Variants in DYNC2H1 observed in about 807,000 individuals in gnomAD.
DYNC2H1 encodes dynein cytoplasmic 2 heavy chain 1, also known as cytoplasmic dynein 2 heavy chain 1.
Under a neutral mutation model 570.0 loss-of-function variants are expected in DYNC2H1, and 410 were observed. That is an observed-to-expected ratio of 0.72 (90% CI 0.66 to 0.78). DYNC2H1 has a LOEUF of 0.78. DYNC2H1 is among the 30% of genes least tolerant of loss of function. The pLI is 0.00. For synonymous variants in DYNC2H1, 1,688 were observed against 1,677.6 expected, an observed-to-expected ratio of 1.01 and a Z score of -0.15; for missense variants, 4,865 against 5,046.4, an observed-to-expected ratio of 0.96 and a Z score of 1.09.
Position 103,436,002 on chromosome 11 carries a change from A to G in DYNC2H1, c.12426A>G (p.Arg4142=), listed in dbSNP as rs1474413723. ...EGPEDPLQYL[R]GLVARALAIQ... Reference sequence around the variant, plus strand: ...CAGAAGATCCCTTACAATACCTGAGAGGTCTTGTTGCCCGTGCCCTTGCAA... The same window carrying G: ...CAGAAGATCCCTTACAATACCTGAGGGGTCTTGTTGCCCGTGCCCTTGCAA... The change falls in exon 85 of 89, where the codon AGA becomes AGG. Residue 4142 remains arginine (R), a synonymous_variant. Transcript: ENST00000375735. 2 of 1,612,616 alleles carry G rather than the reference A, an allele frequency of 1.2e-6. No homozygotes were observed. The highest frequency in any genetic ancestry group is 2.2e-5 in the East Asian group (1 of 44,856).
intron 26 of DYNC2H1, among the ~76,000 whole-genome samples, chr11:103,158,274 C>T (rs1207196581): frequency 1.3e-5 from 2 of 152,052 alleles, no homozygotes; most frequent in African/African-American, 2.4e-5. Flanking sequence ...GGTGAAACCC[C>T]GTCTCTACTA....
intron 78 of DYNC2H1, among the ~76,000 whole-genome samples, chr11:103,308,165 CCATT>C (rs1867390909): frequency 6.6e-6 from 1 of 152,090 alleles, no homozygotes; most frequent in African/African-American, 2.4e-5. Flanking sequence ...AACTCTATGA[CCATT>C]GAAGAGCAAC....
chr11:103,466,403 AG>A (rs1311197791), intron 87 of DYNC2H1, among the ~76,000 whole-genome samples: 1 of 152,204 alleles, frequency 6.6e-6, no homozygotes. Flanking sequence ...AAAGTCTTAA[AG>A]GAAAAAGCTG....
rs1860666859 is a variant in DYNC2H1 at position 103,153,468 on chromosome 11, A to C, written c.3262A>C (p.Ile1088Leu). 6.4e-7 allele frequency: 1 copy of C among 1,568,496 alleles called. No homozygotes were observed. Among genetic ancestry groups the C allele is most frequent in the Non-Finnish European group, 8.6e-7 (1 of 1,158,534 alleles). ...KSAKLIKEKK[I>L]EFDDLEVTRK... ...TGCAAAGTTAATAAAAGAGAAAAAA[A>C]TTGAGTTTGATGATCTTGAAGTCAC... Residue 1088 changes from isoleucine (I) to leucine (L), a missense_variant, in exon 22 of 89, where the codon ATT (isoleucine) becomes CTT (leucine). By Grantham distance (5) the Ile-to-Leu change is conservative. Transcript: ENST00000375735.
intron 75 of DYNC2H1, among the ~76,000 whole-genome samples, chr11:103,288,684 T>TTAAAAAAAA (rs1401919829): frequency 3.6e-5 from 1 of 27,904 alleles, no homozygotes; most frequent in Non-Finnish European, 6.0e-5. Flanking sequence ...CCGTCTCTAC[T>TTAAAAAAAA]AAAAAAAAAA....
chr11:103,136,195 GTTTTTTATTTTTA>G (rs548360470), intron 17 of DYNC2H1, among the ~76,000 whole-genome samples: 98 of 149,676 alleles, frequency 6.5e-4, no homozygotes, highest in African/African-American at 2.3e-3. Flanking sequence ...GTTTTTTTTG[GTTTTTTATTTTTA>G]TTTTTTATTT....
At chr11:103,437,139 A>G (rs1222724273) in intron 85 of DYNC2H1, among the ~76,000 whole-genome samples, 1 of 152,124 alleles carries the variant, frequency 6.6e-6, no homozygotes, top group African/African-American at 2.4e-5. Context: ...TTTCCTTAGC[A>G]GAGCACCTTA....
Position 103,289,687 on chromosome 11 carries a change from G to A in DYNC2H1, c.11095+2082G>A, listed in dbSNP as rs969265511. On this transcript the variant is annotated intron_variant, in intron 75 of 88. Transcript: ENST00000375735. The surrounding 1 kb of genome is among the most constrained non-coding windows in gnomAD (Gnocchi z 4.2). The stretch of plus-strand genomic sequence containing the variant: ...GAAGTGGGAGGATTTCTTGAACTCA[G>A]GAGTTCAAGGTTGCAGTGAGCTGTG... Among the ~76,000 whole-genome samples, 15 of 152,126 alleles carry A rather than the reference G, an allele frequency of 9.9e-5. No homozygotes were observed. The highest frequency in any genetic ancestry group is 2.2e-4 in the Non-Finnish European group (15 of 68,026).
At chr11:103,347,099 A>G (rs1939779988) in intron 82 of DYNC2H1, among the ~76,000 whole-genome samples, 1 of 152,202 alleles carries the variant, frequency 6.6e-6, no homozygotes, top group Admixed American at 6.5e-5. Flanking sequence ...TTTTAGAACT[A>G]ATTTACCATT....
chr11:103,451,064 TC>T (rs1316803438), intron 85 of DYNC2H1, among the ~76,000 whole-genome samples: 1 of 152,160 alleles, frequency 6.6e-6, no homozygotes, highest in East Asian at 1.9e-4. Context: ...TCAGCTAATT[TC>T]CTAAACATTT....
At position 103,280,289 on chromosome 11, in the gene DYNC2H1, A is replaced by G. The variant is rs933217946; in HGVS notation, c.10696-59A>G. 13 of 1,514,812 alleles carry G rather than the reference A, an allele frequency of 8.6e-6. No individual in the cohort carries two copies. In the African/African-American group the frequency reaches 9.7e-5, roughly 11 times the overall value. 93.8% of individuals were successfully genotyped at this position (1,514,812 alleles called of 1,614,324 possible). The stretch of plus-strand genomic sequence containing the variant: ...TTTTGTGTGCCAAATTTTAACGACT[A>G]TGCTTTTCCAAAGACACAAATTTTT... On this transcript the variant is annotated intron_variant, in intron 70 of 88. Transcript: ENST00000375735. The surrounding 1 kb of genome is among the most constrained non-coding windows in gnomAD (Gnocchi z 4.7).
intron 84 of DYNC2H1, chr11:103,403,805 G>T (rs1257607860): frequency 6.6e-6 from 1 of 151,942 alleles, no homozygotes; most frequent in Non-Finnish European, 1.5e-5. Context: ...TGCTGTTGGG[G>T]TTATATAAGA....
chr11:103,473,049 G>C (rs1945435979), intron 88 of DYNC2H1, among the ~76,000 whole-genome samples: 1 of 152,052 alleles, frequency 6.6e-6, no homozygotes. Context: ...ACTTAAAAAA[G>C]GGTATCATCA....
At chr11:103,187,632 T>C (rs1364637255) in intron 43 of DYNC2H1, 46 bp downstream of exon 43, 1 of 1,582,646 alleles carries the variant, frequency 6.3e-7, no homozygotes, top group Non-Finnish European at 8.6e-7. Flanking sequence ...GGAAACAATT[T>C]AATTTCATTA....
chr11:103,453,625 TATATATATATATATATAC>T (rs1328065269), intron 85 of DYNC2H1, among the ~76,000 whole-genome samples: 5 of 146,402 alleles, frequency 3.4e-5, no homozygotes, highest in Non-Finnish European at 7.5e-5. Context: ...CATATATATA[TATATATATATATATATAC>T]ACACATTCAT....
At chr11:103,141,312 CT>C (rs776283260) in intron 17 of DYNC2H1, among the ~76,000 whole-genome samples, 5 of 152,160 alleles carry the variant, frequency 3.3e-5, no homozygotes, top group Non-Finnish European at 5.9e-5. Context: ...TTTTTCTGCT[CT>C]GTTTTTTTCC....
chr11:103,152,490 A>G (rs529299761), intron 21 of DYNC2H1, among the ~76,000 whole-genome samples: 2 of 152,302 alleles, frequency 1.3e-5, no homozygotes, highest in African/African-American at 4.8e-5. Flanking sequence ...ACCAAGAAGA[A>G]ACCAATGTCT....
intron 54 of DYNC2H1, among the ~76,000 whole-genome samples, chr11:103,214,503 A>G (rs1863299326): frequency 7.1e-6 from 1 of 141,286 alleles, no homozygotes; most frequent in Non-Finnish European, 1.5e-5. Context: ...GGCATGTAAT[A>G]GTGCGGTCTT....
At position 103,249,311 on chromosome 11, in the gene DYNC2H1, C is replaced by T. The variant is rs1864742036; in HGVS notation, c.10042+3937C>T. Among the ~76,000 whole-genome samples, 1 of 151,936 alleles carries T rather than the reference C, an allele frequency of 6.6e-6. No homozygotes were observed. The highest frequency in any genetic ancestry group is 6.6e-5 in the Admixed American group (1 of 15,240). ...AGTGCAGCAGCATTCTGTTCCTCCC[C>T]TCCCATGACTAGTTCTACTCACCAA... On this transcript the variant is annotated intron_variant, in intron 65 of 88. Coordinates refer to ENST00000375735, the MANE Select transcript of DYNC2H1 (RefSeq NM_001377.3). The surrounding 1 kb of genome is among the most constrained non-coding windows in gnomAD (Gnocchi z 4.6).
Sources: gnomAD v4.1 joint callset for allele counts (sites outside exome capture counted in the v4.1 genomes callset) on GRCh38, gnomAD v4.1.1 for gene constraint, Gnocchi (gnomAD v3.1) non-coding constraint, MANE v1.5 for transcripts, NCBI Gene and HGNC (gene_info 2026-07-23, HGNC 2026-07-21) for gene names.